The following NRBF2 variants were observed in gnomAD, a reference collection of about 807,000 sequenced individuals.
NRBF2 encodes the protein nuclear receptor binding factor 2, also known as nuclear receptor-binding factor 2.
In NRBF2, 12 loss-of-function variants were observed where a neutral mutation model predicts 28.5. That is an observed-to-expected ratio of 0.42 (90% CI 0.27 to 0.68). The LOEUF is 0.68. Among genes scored for constraint, NRBF2 ranks in the 30% least tolerant of loss-of-function variants. NRBF2 has a pLI of 0.24. For synonymous variants in NRBF2, 102 were observed against 116.5 expected (o/e 0.88, Z 0.80); for missense variants, 274 against 333.5 (o/e 0.82, Z 1.39).
At chr10:63,133,884 T>C (rs751945954) in intron 1 of NRBF2, among the ~76,000 whole-genome samples, 2 of 151,970 alleles carry the variant, frequency 1.3e-5, no homozygotes, top group Non-Finnish European at 2.9e-5. Context: ...TGGTTTTAAG[T>C]TCTAGCAGCA....
In NRBF2 at chr10:63,154,107, G is replaced by C; in HGVS notation, c.753G>C (p.Gly251=). The change falls in exon 4 of 4, where the codon GGG becomes GGC. Residue 251 remains glycine, a synonymous_variant. Transcript: ENST00000277746. ...GGCAGAAGTTCGCAGCAAATACTGG[G>C]AAAGCCAAGGACATTCCAATCCCCA... ...STWQKFAANT[G]KAKDIPIPNL... is the part of the protein sequence containing the mutation. 6.2e-7 allele frequency: 1 copy of C among 1,613,912 alleles called. No individual in the cohort carries two copies. Among genetic ancestry groups the C allele is most frequent in the South Asian group, 1.1e-5 (1 of 91,068 alleles).
At chr10:63,139,371 A>G (rs1841427414) in intron 1 of NRBF2, among the ~76,000 whole-genome samples, 1 of 152,214 alleles carries the variant, frequency 6.6e-6, no homozygotes, top group Non-Finnish European at 1.5e-5. Context: ...ACAGAAAAAA[A>G]TAATAGAAAG....
At chr10:63,147,839 A>C (rs150210189) in intron 2 of NRBF2, among the ~76,000 whole-genome samples, 1 of 151,558 alleles carries the variant, frequency 6.6e-6, no homozygotes, top group East Asian at 2.0e-4. Flanking sequence ...GGCCAAGCAT[A>C]CAGTAGATAT....
At chr10:63,150,106 T>C (rs1012616304) in intron 2 of NRBF2, among the ~76,000 whole-genome samples, 1 of 149,844 alleles carries the variant, frequency 6.7e-6, no homozygotes, top group Non-Finnish European at 1.5e-5. Context: ...CACGCCCAGC[T>C]AATTTTTGTA....
chr10:63,136,124 C>CTTTTTTTTTT (rs11334549), intron 1 of NRBF2, among the ~76,000 whole-genome samples: 1 of 125,006 alleles, frequency 8.0e-6, no homozygotes, highest in Non-Finnish European at 1.8e-5. Context: ...AAAATTCAGA[C>CTTTTTTTTTT]TTTTTTTTTT....
rs777996047 is a variant in NRBF2 at position 63,153,882 on chromosome 10, A to T, written c.528A>T (p.Ala176=). ...TAGAGGAGCAGGCAACCAAAATTGCAGATTTGAAGAGGCATGTGGAATTCC... is the reference window on the plus strand; with the variant it reads ...TAGAGGAGCAGGCAACCAAAATTGCTGATTTGAAGAGGCATGTGGAATTCC... ...TIIEEQATKI[A]DLKRHVEFLV... is the part of the protein sequence containing the mutation. Residue 176 remains alanine (A), a synonymous_variant, in exon 4 of 4, where the codon GCA becomes GCT. Transcript: ENST00000277746. The T allele has an allele frequency of 6.8e-6, 11 of 1,611,982 alleles. No homozygotes were observed. Among genetic ancestry groups the T allele is most frequent in the African/African-American group, 1.3e-5 (1 of 74,868 alleles).
At chr10:63,144,843 T>C (rs7916224) in intron 1 of NRBF2, among the ~76,000 whole-genome samples, 104,932 of 152,090 alleles carry the variant, frequency 0.69, 37,926 homozygotes, top group Non-Finnish European at 0.81. Flanking sequence ...CTGTTATGAA[T>C]ATGGGTGTAC....
intron 1 of NRBF2, among the ~76,000 whole-genome samples, chr10:63,142,302 G>GTTTTTTTTTT (rs141743950): frequency 8.3e-5 from 11 of 133,284 alleles, no homozygotes; most frequent in Admixed American, 1.5e-4. Context: ...TGTTTTTTTT[G>GTTTTTTTTTT]TTTTTTTTGT....
chr10:63,151,636 C>T (rs1177210982), intron 2 of NRBF2, among the ~76,000 whole-genome samples: 1 of 152,166 alleles, frequency 6.6e-6, no homozygotes, highest in Admixed American at 6.5e-5. Flanking sequence ...TGACATTATA[C>T]TGTCCTCAGT....
chr10:63,140,705 C>CT (rs201387308), intron 1 of NRBF2, among the ~76,000 whole-genome samples: 20,320 of 144,900 alleles, frequency 0.14, 2,052 homozygotes, highest in East Asian at 0.35. Flanking sequence ...CAGCCTATTA[C>CT]TTTTTTTTTT....
chr10:63,137,999 CTT>C (rs1164576958), intron 1 of NRBF2, among the ~76,000 whole-genome samples: 6 of 152,046 alleles, frequency 3.9e-5, no homozygotes, highest in Non-Finnish European at 7.4e-5. Context: ...AAGATGAAGA[CTT>C]TGAAATGCAG....
At chr10:63,138,630 G>C (rs1366075337) in intron 1 of NRBF2, among the ~76,000 whole-genome samples, 1 of 151,600 alleles carries the variant, frequency 6.6e-6, no homozygotes, top group Non-Finnish European at 1.5e-5. Flanking sequence ...TGTAGTCCCA[G>C]GTACTCGGGA....
chr10:63,134,309 T>C (rs980628700), intron 1 of NRBF2, among the ~76,000 whole-genome samples: 1 of 152,198 alleles, frequency 6.6e-6, no homozygotes, highest in Non-Finnish European at 1.5e-5. Flanking sequence ...ATTGCATCTT[T>C]TAGTTTTCCA....
Position 63,146,823 on chromosome 10 carries a change from T to G in NRBF2, c.115+530T>G, listed in dbSNP as rs1171656815. On this transcript the variant is annotated intron_variant, in intron 2 of 3. Coordinates refer to ENST00000277746, the MANE Select transcript of NRBF2 (RefSeq NM_030759.5). ...TACATGCATGCCTGTAGTAACATGC[T>G]GATGTTAGCTTTCATTTCAGTATGA... Among the ~76,000 whole-genome samples the G allele has an allele frequency of 5.3e-5, 8 of 152,300 alleles. No individual in the cohort carries two copies. In the South Asian group the frequency reaches 1.7e-3, roughly 32 times the overall value.
chr10:63,137,098 A>G (rs965659), intron 1 of NRBF2, among the ~76,000 whole-genome samples: 150,011 of 152,286 alleles, frequency 0.99, 73,920 homozygotes, highest in Middle Eastern at 1. Flanking sequence ...GCCCTCCACA[A>G]TAGCTGGGAC....
chr10:63,133,369 G>A lies in NRBF2; in HGVS notation c.-102G>A, dbSNP rs761776142. 4.4e-6 allele frequency: 6 copies of A among 1,365,702 alleles called. No homozygotes were observed. Among genetic ancestry groups the A allele is most frequent in the Admixed American group, 3.7e-5 (2 of 53,932 alleles). 84.6% of individuals were successfully genotyped at this position (1,365,702 alleles called of 1,614,324 possible). On this transcript the variant is annotated 5_prime_UTR_variant, in exon 1 of 4. Coordinates refer to ENST00000277746, the MANE Select transcript of NRBF2 (RefSeq NM_030759.5). ...TCGCTGGCTCTTGGGGCGCAGAGAG[G>A]GGCCGCAGTCTCCGCGGCTGCGTCG...
intron 2 of NRBF2, among the ~76,000 whole-genome samples, chr10:63,147,367 T>A (rs572169752): frequency 3.6e-4 from 55 of 151,976 alleles, no homozygotes; most frequent in Non-Finnish European, 1.2e-4. Context: ...TCGCCCAGGC[T>A]GGAGTGCAGT....
chr10:63,144,855 A>G (rs940789463), intron 1 of NRBF2, among the ~76,000 whole-genome samples: 8 of 152,250 alleles, frequency 5.3e-5, no homozygotes, highest in Middle Eastern at 3.4e-3. Flanking sequence ...TGGGTGTACA[A>G]TGCTTTTTGC....
intron 1 of NRBF2, among the ~76,000 whole-genome samples, chr10:63,137,926 C>T (rs1049494654): frequency 1.3e-5 from 2 of 151,954 alleles, no homozygotes; most frequent in African/African-American, 2.4e-5. Flanking sequence ...GCATCGGGCA[C>T]GTTATGTATA....
Sources: allele counts gnomAD v4.1 joint callset (sites outside exome capture counted in the v4.1 genomes callset), GRCh38; gene constraint gnomAD v4.1.1; transcripts MANE v1.5; gene names NCBI Gene and HGNC (gene_info 2026-07-23, HGNC 2026-07-21).